The following ITGA8 variants were observed in gnomAD, a reference collection of about 807,000 sequenced individuals.
ITGA8 encodes the protein integrin subunit alpha 8.
Under a neutral mutation model 142.3 loss-of-function variants are expected in ITGA8, and 91 were observed. That is an observed-to-expected ratio of 0.64 (90% CI 0.54 to 0.76). The LOEUF is 0.76. ITGA8 is among the 30% of genes least tolerant of loss of function. The pLI is 0.00. For synonymous variants in ITGA8, 505 were observed against 485.2 expected (o/e 1.04, Z -0.54); for missense variants, 1,406 against 1,327.7 (o/e 1.06, Z -0.92).
intron 8 of ITGA8, 32 bp downstream of exon 8, chr10:15,671,571 A>G (rs368032865): frequency 5.2e-5 from 82 of 1,583,486 alleles, no homozygotes; most frequent in Non-Finnish European, 6.8e-5. Flanking sequence ...CCCATGCTTT[A>G]TAAGTGATTT....
At chr10:15,535,506 C>A (rs1031043213) in intron 27 of ITGA8, among the ~76,000 whole-genome samples, 15 of 152,118 alleles carry the variant, frequency 9.9e-5, no homozygotes, top group Non-Finnish European at 1.5e-5. Flanking sequence ...CAATCAGCAC[C>A]CTGTGTCTAG....
At chr10:15,663,254 A>G (rs994021983) in intron 8 of ITGA8, among the ~76,000 whole-genome samples, 2 of 152,194 alleles carry the variant, frequency 1.3e-5, no homozygotes, top group Non-Finnish European at 2.9e-5. Context: ...CTTTTATTTT[A>G]GATATCCTCA....
chr10:15,544,415 C>A (rs753406693), intron 27 of ITGA8, among the ~76,000 whole-genome samples: 76 of 152,184 alleles, frequency 5.0e-4, no homozygotes, highest in Non-Finnish European at 6.9e-4. Flanking sequence ...GAGGAACCAA[C>A]CCTGCTGACA....
chr10:15,687,885 C>T (rs2131707867), intron 3 of ITGA8, 53 bp downstream of exon 3: 1 of 1,040,946 alleles, frequency 9.6e-7, no homozygotes, highest in Non-Finnish European at 1.5e-6. Flanking sequence ...TGAAAACATT[C>T]CAGTGCACAC....
At position 15,638,009 on chromosome 10, in the gene ITGA8, C is replaced by T. The variant is rs375736751; in HGVS notation, c.1399+6021G>A. 4.5e-4 allele frequency among the ~76,000 whole-genome samples: 68 copies of T among 152,172 alleles called. No homozygotes were observed. In the South Asian group the frequency reaches 0.014, roughly 31 times the overall value. ...ACTGTATTTACCTTCTATGCAGTGG[C>T]TGGCATGCTTTGGGCTCTTAATTAT... On this transcript the variant is annotated intron_variant, in intron 13 of 29. Coordinates refer to ENST00000378076, the MANE Select transcript of ITGA8 (RefSeq NM_003638.3).
Position 15,514,188 on chromosome 10 carries a change from T to A in ITGA8, c.*2970A>T, listed in dbSNP as rs927328654. 3.3e-5 allele frequency: 5 copies of A among 152,154 alleles called. No individual in the cohort carries two copies. The highest frequency in any genetic ancestry group is 7.3e-5 in the Non-Finnish European group (5 of 68,034). 9.4% of individuals were successfully genotyped at this position (152,154 alleles called of 1,614,324 possible). On this transcript the variant is annotated 3_prime_UTR_variant, in exon 30 of 30. Coordinates refer to ENST00000378076, the MANE Select transcript of ITGA8 (RefSeq NM_003638.3). ...CTGCAAGAATTTAAAAAGGGAATTC[T>A]TTGAAGAGAAATACAGATAGACCCT...
intron 2 of ITGA8, among the ~76,000 whole-genome samples, chr10:15,714,073 T>C (rs188107434): frequency 2.6e-5 from 4 of 152,294 alleles, no homozygotes; most frequent in Non-Finnish European, 5.9e-5. Flanking sequence ...CTTTGATGAT[T>C]ATCATAATTA....
intron 27 of ITGA8, among the ~76,000 whole-genome samples, chr10:15,543,579 T>G (rs771760406): frequency 2.6e-5 from 4 of 152,176 alleles, no homozygotes; most frequent in Admixed American, 6.5e-5. Context: ...AAAACCAATT[T>G]AAACCCTAAT....
At chr10:15,596,034 A>G (rs556783300) in intron 21 of ITGA8, among the ~76,000 whole-genome samples, 38 of 152,348 alleles carry the variant, frequency 2.5e-4, no homozygotes, top group African/African-American at 9.1e-4. Flanking sequence ...CTGGGCAACA[A>G]GCGTGAAACT....
chr10:15,704,089 A>G (rs1453767034), intron 2 of ITGA8, among the ~76,000 whole-genome samples: 1 of 152,160 alleles, frequency 6.6e-6, no homozygotes, highest in African/African-American at 2.4e-5. Context: ...ACGATCACCA[A>G]TCTTGCACTC....
intron 13 of ITGA8, among the ~76,000 whole-genome samples, chr10:15,616,768 A>G (rs190619900): frequency 7.4e-4 from 112 of 152,272 alleles, no homozygotes; most frequent in African/African-American, 2.6e-3. Flanking sequence ...CCATCAGTGG[A>G]TCTCAAACCC....
intron 2 of ITGA8, among the ~76,000 whole-genome samples, chr10:15,702,189 T>C (rs1006967112): frequency 2.6e-5 from 4 of 152,220 alleles, no homozygotes; most frequent in African/African-American, 9.6e-5. Context: ...ATATCACGTA[T>C]GCATACTATA....
intron 13 of ITGA8, among the ~76,000 whole-genome samples, chr10:15,617,466 T>G (rs1477394795): frequency 6.6e-6 from 1 of 151,848 alleles, no homozygotes; most frequent in Non-Finnish European, 1.5e-5. Flanking sequence ...TGGTGCAATC[T>G]CGGCTCACTG....
At chr10:15,612,535 A>C (rs1833316692) in intron 15 of ITGA8, among the ~76,000 whole-genome samples, 2 of 152,182 alleles carry the variant, frequency 1.3e-5, no homozygotes, top group Non-Finnish European at 2.9e-5. Flanking sequence ...ACTCTTGAGG[A>C]CCTACATATT....
intron 21 of ITGA8, among the ~76,000 whole-genome samples, chr10:15,593,584 T>C (rs923327039): frequency 1.2e-4 from 18 of 152,212 alleles, no homozygotes; most frequent in African/African-American, 4.3e-4. Context: ...CCAAAACTCA[T>C]ATTCACATGA....
chr10:15,665,832 T>G (rs558548737), intron 8 of ITGA8, among the ~76,000 whole-genome samples: 1 of 152,118 alleles, frequency 6.6e-6, no homozygotes, highest in Non-Finnish European at 1.5e-5. Context: ...GTTGTAGATA[T>G]GCGGCATTAT....
chr10:15,648,876 A>C (rs903161111), intron 11 of ITGA8, among the ~76,000 whole-genome samples: 1 of 152,224 alleles, frequency 6.6e-6, no homozygotes, highest in African/African-American at 2.4e-5. Flanking sequence ...AGGTCAACCA[A>C]TTCATTCCCT....
rs147846713 is a variant in ITGA8, at chr10:15,519,383, C to A, written c.3012G>T (p.Pro1004=). Residue 1004 remains proline, a synonymous_variant, in exon 29 of 30, where the codon CCG becomes CCT. Transcript: ENST00000378076. ...VIKTSVIWAT[P]NVSFSIPLWV... The stretch of plus-strand genomic sequence containing the variant: ...ATAATGGGATTGAGAAGGAAACATT[C>A]GGAGTTGCCCAAATAACTGATGTCT... 1.2e-5 allele frequency: 19 copies of A among 1,613,384 alleles called. No individual in the cohort carries two copies. The African/African-American group carries it at 2.4e-4, about 20-fold the overall frequency.
Position 15,718,762 on chromosome 10 carries a change from T to A in ITGA8, c.343+4A>T, listed in dbSNP as rs758960404. ...CACAGCTTAGAAGGACAAATCTCAC[T>A]TACTGGTGGTGTCAAACGGTATCTG... On this transcript the variant is annotated splice_donor_region_variant and intron_variant, in intron 2 of 29. Coordinates refer to ENST00000378076, the MANE Select transcript of ITGA8 (RefSeq NM_003638.3). 2.5e-6 allele frequency: 4 copies of A among 1,613,748 alleles called. No homozygotes were observed. In the East Asian group the frequency reaches 8.9e-5, roughly 36 times the overall value.
Sources: gnomAD v4.1 joint callset for allele counts (sites outside exome capture counted in the v4.1 genomes callset) on GRCh38, gnomAD v4.1.1 for gene constraint, MANE v1.5 for transcripts, NCBI Gene and HGNC (gene_info 2026-07-23, HGNC 2026-07-21) for gene names.